CPSF7: variants seen among roughly 807,000 people sequenced by gnomAD.
CPSF7 encodes the protein cleavage and polyadenylation specific factor 7.
In CPSF7, 1 loss-of-function variant was observed where a neutral mutation model predicts 44.3. The observed-to-expected ratio is 0.02, with a 90% CI of 0.01 to 0.11. CPSF7 has a LOEUF of 0.11. CPSF7 is among the 10% of genes least tolerant of loss of function. The probability of loss-of-function intolerance (pLI) is 1.00; values close to 1 mark genes in which losing one functional copy is unlikely to be tolerated. For synonymous variants in CPSF7, 202 were observed against 222.0 expected (o/e 0.91, Z 0.80); for missense variants, 443 against 607.2 (o/e 0.73, Z 2.84).
intron 2 of CPSF7, among the ~76,000 whole-genome samples, chr11:61,424,497 G>A (rs1452851991): frequency 1.3e-5 from 2 of 152,170 alleles, no homozygotes; most frequent in African/African-American, 4.8e-5. Flanking sequence ...TTGTCACCCA[G>A]GTTGAAGTGC....
At position 61,411,878 on chromosome 11, in the gene CPSF7, G is replaced by A. The variant is rs745409283; in HGVS notation, c.1117C>T (p.Arg373Trp). 12 of 1,614,048 alleles carry A rather than the reference G, an allele frequency of 7.4e-6. No individual in the cohort carries two copies. Among genetic ancestry groups the A allele is most frequent in the Non-Finnish European group, 1.0e-5 (12 of 1,179,998 alleles). Residue 373 changes from arginine to tryptophan, a missense_variant, in exon 8 of 10, where the codon CGG (arginine) becomes TGG (tryptophan). Arg to Trp is a moderately radical substitution (Grantham distance 101). Transcript: ENST00000439958. ...CGGCAACGCTCATCATTGGCAACCC[G>A]GGACTGTTTGATAACCGCAATGGCT... ...LTAIAVIKQS[R>W]VANDERCRVL...
At chr11:61,420,631 A>G in intron 3 of CPSF7, 58 bp from the exon 4 acceptor site, 2 of 1,356,672 alleles carry the variant, frequency 1.5e-6, no homozygotes, top group Non-Finnish European at 2.1e-6. Context: ...CCGCCCGCCA[A>G]TGTCCCAAAC....
intron 9 of CPSF7, among the ~76,000 whole-genome samples, chr11:61,407,505 T>C (rs1313305786): frequency 6.6e-6 from 1 of 152,194 alleles, no homozygotes; most frequent in Non-Finnish European, 1.5e-5. Context: ...CCATCTACAA[T>C]AGCGTCTGCT....
intron 9 of CPSF7, among the ~76,000 whole-genome samples, chr11:61,405,045 A>G (rs942268143): frequency 1.3e-5 from 2 of 152,232 alleles, no homozygotes; most frequent in African/African-American, 4.8e-5. Flanking sequence ...TATTTCAAGA[A>G]AAGTTGCTAA....
intron 2 of CPSF7, among the ~76,000 whole-genome samples, chr11:61,428,577 G>C (rs149887086): frequency 2.0e-5 from 3 of 152,266 alleles, no homozygotes; most frequent in African/African-American, 7.2e-5. Flanking sequence ...TTTCTAACTG[G>C]TTTGTCTAAC....
At chr11:61,411,742 TAGGTG>T in intron 8 of CPSF7, 22 bp downstream of exon 8, 1 of 1,595,264 alleles carries the variant, frequency 6.3e-7, no homozygotes, top group Non-Finnish European at 8.6e-7. Context: ...TTGGGGCTGG[TAGGTG>T]AGGACACAAT....
chr11:61,409,550 G>A (rs745982426), intron 9 of CPSF7, among the ~76,000 whole-genome samples: 13 of 152,072 alleles, frequency 8.5e-5, no homozygotes, highest in Non-Finnish European at 1.6e-4. Context: ...AAACCCTTCC[G>A]TTGAAGTTAA....
intron 2 of CPSF7, among the ~76,000 whole-genome samples, chr11:61,428,315 T>C (rs1861596653): frequency 6.6e-6 from 1 of 152,132 alleles, no homozygotes; most frequent in Non-Finnish European, 1.5e-5. Flanking sequence ...CCAGAGTAGA[T>C]GGGACTACAG....
chr11:61,418,775 G>A (rs1345687937), intron 5 of CPSF7, among the ~76,000 whole-genome samples: 6 of 151,804 alleles, frequency 4.0e-5, no homozygotes, highest in African/African-American at 1.2e-4. Flanking sequence ...CTGGAAGGCA[G>A]TGGTGCAATC....
At chr11:61,405,845 T>C (rs1284881373) in intron 9 of CPSF7, 1 of 152,232 alleles carries the variant, frequency 6.6e-6, no homozygotes, top group Non-Finnish European at 1.5e-5. Context: ...TAAGCCTTCC[T>C]GGCCTGTCTA....
At chr11:61,415,925 T>C in intron 6 of CPSF7, 141 bp from the exon 7 acceptor site, 1 of 837,730 alleles carries the variant, frequency 1.2e-6, no homozygotes, top group Non-Finnish European at 1.9e-6. Context: ...CCGCATTTAA[T>C]TAAGCACCTT....
Position 61,429,026 on chromosome 11 carries a change from A to C in CPSF7, c.54+156T>G, listed in dbSNP as rs1225267518. 5.5e-6 allele frequency: 3 copies of C among 540,834 alleles called. No homozygotes were observed. The Admixed American group carries it at 8.1e-5, about 15-fold the overall frequency. 33.5% of individuals were successfully genotyped at this position (540,834 alleles called of 1,614,324 possible). On this transcript the variant is annotated intron_variant, in intron 2 of 9. Transcript: ENST00000439958. ...TTCAAATTAACATAAAGAGGAATGG[A>C]GTGTAGTCTTTAAAGTTTCTGCAGG...
intron 3 of CPSF7, chr11:61,420,930 C>T: frequency 1.9e-6 from 1 of 534,366 alleles, no homozygotes; most frequent in East Asian, 5.5e-5. Context: ...AAATATACTT[C>T]CTAATTTGGA....
intron 3 of CPSF7, 114 bp from the exon 4 acceptor site, chr11:61,420,687 G>A: frequency 1.3e-6 from 1 of 766,290 alleles, no homozygotes; most frequent in Non-Finnish European, 2.2e-6. Flanking sequence ...AAACTCAAAA[G>A]CCTGGCAATA....
At chr11:61,410,152 C>CA (rs1859724648) in intron 9 of CPSF7, among the ~76,000 whole-genome samples, 1 of 152,036 alleles carries the variant, frequency 6.6e-6, no homozygotes, top group South Asian at 2.1e-4. Context: ...GGCCAGAGTG[C>CA]AGTGGTGCAA....
rs1861633534 is a variant in CPSF7 at position 61,428,658 on chromosome 11, T to A, written c.54+524A>T. Among the ~76,000 whole-genome samples the A allele has an allele frequency of 2.0e-5, 3 of 152,326 alleles. No individual in the cohort carries two copies. In the South Asian group the frequency reaches 6.2e-4, roughly 32 times the overall value. ...ACAATTTATTATACCAAAATGCCTG[T>A]GGACTTCTCATGACTGGAGTCAACC... On this transcript the variant is annotated intron_variant, in intron 2 of 9. Transcript: ENST00000439958.
At chr11:61,424,966 C>A (rs975911602) in intron 2 of CPSF7, among the ~76,000 whole-genome samples, 6 of 152,226 alleles carry the variant, frequency 3.9e-5, no homozygotes, top group Non-Finnish European at 7.3e-5. Context: ...AGACCAAATG[C>A]ATCACCAGGA....
At chr11:61,426,982 G>A (rs1861418563) in intron 2 of CPSF7, 1 of 145,190 alleles carries the variant, frequency 6.9e-6, no homozygotes, top group African/African-American at 2.7e-5. Context: ...GAGCCAAGAT[G>A]GTGCCACTGC....
rs560211692 is a variant in CPSF7 at position 61,421,421 on chromosome 11, C to T, written c.242G>A (p.Arg81Gln). 1.9e-6 allele frequency: 3 copies of T among 1,613,986 alleles called. No homozygotes were observed. The highest frequency in any genetic ancestry group is 1.1e-5 in the South Asian group (1 of 91,066). The change falls in exon 3 of 10, where the codon CGA becomes CAA. Residue 81 changes from arginine to glutamine, a missense_variant. By Grantham distance (43) the Arg-to-Gln change is conservative. Transcript: ENST00000439958. ...LYTYSGLRNR[R>Q]AAVYVGSFSW... ...GAAGCTGCCCACATAAACGGCAGCT[C>T]GTCTATTACGCAGGCCACTGTAGGT...
Sources: gnomAD v4.1 joint callset for allele counts (sites outside exome capture counted in the v4.1 genomes callset) on GRCh38, gnomAD v4.1.1 for gene constraint, MANE v1.5 for transcripts, NCBI Gene and HGNC (gene_info 2026-07-23, HGNC 2026-07-21) for gene names.